ARCN1: variants seen among roughly 807,000 people sequenced by gnomAD.
The protein encoded by ARCN1 is archain 1 coat protein complex I subunit delta.
In ARCN1, 5 loss-of-function variants were observed where a neutral mutation model predicts 60.4. The ratio of observed to expected loss-of-function variants is 0.08; its 90% CI spans 0.04 to 0.17. The LOEUF is 0.17. Ranked by LOEUF, ARCN1 falls within the 10% of genes least tolerant of loss-of-function variation. The pLI, the probability that ARCN1 is intolerant of heterozygous loss-of-function variation, is 1.00. For missense variants in ARCN1, 464 were observed against 626.5 expected, an observed-to-expected ratio of 0.74 and a Z score of 2.77; for synonymous variants, 224 against 220.0, an observed-to-expected ratio of 1.02 and a Z score of -0.16.
At chr11:118,595,373 T>G (rs989655567) in intron 8 of ARCN1, among the ~76,000 whole-genome samples, 2 of 152,374 alleles carry the variant, frequency 1.3e-5, no homozygotes, top group East Asian at 3.8e-4. Context: ...GATGTCTACA[T>G]TAGTTACAGT....
Position 118,597,716 on chromosome 11 carries a change from C to G in ARCN1, c.1251C>G (p.Val417=). 6.2e-7 allele frequency: 1 copy of G among 1,613,964 alleles called. No homozygotes were observed. Among genetic ancestry groups the G allele is most frequent in the Non-Finnish European group, 8.5e-7 (1 of 1,179,998 alleles). The change falls in exon 9 of 10, where the codon GTC becomes GTG. Residue 417 remains valine, a synonymous_variant. Transcript: ENST00000264028. The part of the protein sequence containing the change: ...VVITIPLPSG[V]GAPVIGEIDG... ...ATGTTTCTCACAACAGGTCTGGTGTCGGCGCGCCTGTTATCGGTGAGATCG... is the reference window on the plus strand; with the variant it reads ...ATGTTTCTCACAACAGGTCTGGTGTGGGCGCGCCTGTTATCGGTGAGATCG...
chr11:118,599,327 G>T (rs183352711), intron 9 of ARCN1, among the ~76,000 whole-genome samples: 1 of 149,328 alleles, frequency 6.7e-6, no homozygotes, highest in Non-Finnish European at 1.5e-5. Context: ...TCTTGACCTC[G>T]TGATCCAGCC....
Position 118,597,908 on chromosome 11 carries a change from A to G in ARCN1, c.1443A>G (p.Ile481Met), listed in dbSNP as rs1227760970. The part of the protein sequence containing the change: ...SFVSKKNYCN[I>M]QVTKVTQVDG... ...TCTCCAAGAAAAATTACTGTAACAT[A>G]CAGGTACTCCATTTTAGTTGAGAAC... The change falls in exon 9 of 10, where the codon ATA (isoleucine) becomes ATG (methionine). Residue 481 changes from isoleucine to methionine, a missense_variant. By Grantham distance (10) the Ile-to-Met change is conservative. Coordinates refer to ENST00000264028, the MANE Select transcript of ARCN1 (RefSeq NM_001655.5). 1 of 1,614,056 alleles carries G rather than the reference A, an allele frequency of 6.2e-7. No individual in the cohort carries two copies. Among genetic ancestry groups the G allele is most frequent in the Non-Finnish European group, 8.5e-7 (1 of 1,180,018 alleles).
chr11:118,595,131 G>GT (rs1938998920), intron 8 of ARCN1, among the ~76,000 whole-genome samples: 1 of 152,234 alleles, frequency 6.6e-6, no homozygotes, highest in South Asian at 2.1e-4. Flanking sequence ...GATTACAGGC[G>GT]TGAGCCACTG....
intron 5 of ARCN1, among the ~76,000 whole-genome samples, chr11:118,590,099 G>T (rs145032595): frequency 3.3e-5 from 5 of 152,254 alleles, no homozygotes; most frequent in Non-Finnish European, 7.4e-5. Flanking sequence ...TGGTTCAAGC[G>T]ATTCTCCTGC....
intron 1 of ARCN1, among the ~76,000 whole-genome samples, chr11:118,576,426 TAAAAAAA>T (rs10671866): frequency 2.8e-5 from 3 of 108,778 alleles, no homozygotes; most frequent in African/African-American, 1.0e-4. Context: ...CCAAAAATGT[TAAAAAAA>T]AAAAAAAAAA....
chr11:118,572,750 C>T (rs1183476943), intron 1 of ARCN1, 200 bp downstream of exon 1: 1 of 533,554 alleles, frequency 1.9e-6, no homozygotes, highest in Non-Finnish European at 3.3e-6. Context: ...GTCCATCTGT[C>T]GTCGTGCCCG....
Position 118,590,861 on chromosome 11 carries a change from C to A in ARCN1, c.984+355C>A, listed in dbSNP as rs144989606. 6.4e-3 allele frequency among the ~76,000 whole-genome samples: 980 copies of A among 152,248 alleles called. 11 individuals carry two copies. Among genetic ancestry groups the A allele is most frequent in the African/African-American group, 0.021 (872 of 41,556 alleles). On this transcript the variant is annotated intron_variant, in intron 6 of 9. Coordinates refer to ENST00000264028, the MANE Select transcript of ARCN1 (RefSeq NM_001655.5). The stretch of plus-strand genomic sequence containing the variant: ...TGCTTGAAATACAGTTTTAAAAAAA[C>A]AAGGCTTTAGGCCAAGTGTGGTGGC...
intron 3 of ARCN1, 122 bp downstream of exon 3, chr11:118,583,480 A>T: frequency 8.3e-7 from 1 of 1,199,732 alleles, no homozygotes; most frequent in Non-Finnish European, 1.1e-6. Flanking sequence ...CAGGCTAGGC[A>T]CAGTGGCTCA....
At position 118,593,712 on chromosome 11, in the gene ARCN1, C is replaced by T; in HGVS notation, c.1241+14C>T. 1 of 1,563,326 alleles carries T rather than the reference C, an allele frequency of 6.4e-7. No individual in the cohort carries two copies. The highest frequency in any genetic ancestry group is 1.1e-5 in the South Asian group (1 of 89,888). On this transcript the variant is annotated intron_variant, in intron 8 of 9. Coordinates refer to ENST00000264028, the MANE Select transcript of ARCN1 (RefSeq NM_001655.5). ...CATCCCACTCCCGTAAGTGCTGTCC[C>T]TGTGTCCTCTACGGTGGACTTAGAG... is the stretch of plus-strand genomic sequence containing the variant.
intron 5 of ARCN1, among the ~76,000 whole-genome samples, chr11:118,585,778 A>G (rs531300306): frequency 1.6e-4 from 24 of 152,278 alleles, no homozygotes; most frequent in African/African-American, 4.8e-4. Context: ...GACTCAAGCA[A>G]TCTGCCTGCC....
intron 1 of ARCN1, among the ~76,000 whole-genome samples, chr11:118,578,839 TTGTAG>T (rs1938582592): frequency 2.7e-5 from 4 of 147,638 alleles, no homozygotes; most frequent in Non-Finnish European, 6.0e-5. Flanking sequence ...GCCCAGGAAT[TTGTAG>T]CCTGGGCAAC....
At position 118,597,856 on chromosome 11, in the gene ARCN1, A is replaced by C; in HGVS notation, c.1391A>C (p.Asp464Ala). The change falls in exon 9 of 10, where the codon GAC becomes GCC. Residue 464 changes from aspartate to alanine, a missense_variant. Transcript: ENST00000264028. ...TTTAGCATTGCTGGGCAGCCCAATG[A>C]CTTCTTCCCTGTTCAAGTTTCCTTT... ...LEFSIAGQPN[D>A]FFPVQVSFVS... 6.2e-7 allele frequency: 1 copy of C among 1,614,170 alleles called. No homozygotes were observed. The highest frequency in any genetic ancestry group is 8.5e-7 in the Non-Finnish European group (1 of 1,180,048).
At chr11:118,580,672 T>C (rs183070923) in intron 1 of ARCN1, among the ~76,000 whole-genome samples, 6 of 152,300 alleles carry the variant, frequency 3.9e-5, no homozygotes, top group Admixed American at 2.0e-4. Context: ...TTGATTGACA[T>C]GTCTAAGTCT....
intron 1 of ARCN1, among the ~76,000 whole-genome samples, chr11:118,574,506 A>C (rs1364960863): frequency 1.3e-5 from 2 of 152,176 alleles, no homozygotes; most frequent in African/African-American, 2.4e-5. Flanking sequence ...ATTTCACTAT[A>C]TTTTATCATG....
Position 118,600,925 on chromosome 11 carries a change from A to G in ARCN1, c.*211A>G. 2.8e-6 allele frequency: 1 copy of G among 362,324 alleles called. No homozygotes were observed. Among genetic ancestry groups the G allele is most frequent in the South Asian group, 3.8e-5 (1 of 26,012 alleles). 22.4% of individuals were successfully genotyped at this position (362,324 alleles called of 1,614,324 possible). Reference sequence around the variant, plus strand: ...TGATAAGGAAATGGCACAAACATAAAGGGAAAGGCTGCTAATTTTCTTTGG... The same window carrying G: ...TGATAAGGAAATGGCACAAACATAAGGGGAAAGGCTGCTAATTTTCTTTGG... On this transcript the variant is annotated 3_prime_UTR_variant, in exon 10 of 10. Coordinates refer to ENST00000264028, the MANE Select transcript of ARCN1 (RefSeq NM_001655.5).
chr11:118,583,558 A>G (rs1369829799), intron 3 of ARCN1, among the ~76,000 whole-genome samples, 200 bp downstream of exon 3: 2 of 152,174 alleles, frequency 1.3e-5, no homozygotes, highest in Admixed American at 6.6e-5. Flanking sequence ...GTTCAAGACC[A>G]GACTGGACAG....
intron 1 of ARCN1, chr11:118,572,893 T>C (rs914618135): frequency 9.2e-6 from 3 of 326,976 alleles, no homozygotes; most frequent in Non-Finnish European, 1.1e-5. Context: ...TCGGAACTGA[T>C]GCTGTCCCGC....
intron 6 of ARCN1, among the ~76,000 whole-genome samples, chr11:118,591,329 A>T (rs1159180742): frequency 3.3e-5 from 5 of 152,168 alleles, no homozygotes; most frequent in African/African-American, 1.2e-4. Context: ...AGCAGTGCTT[A>T]TATTATTTGA....
Sources: allele counts gnomAD v4.1 joint callset (sites outside exome capture counted in the v4.1 genomes callset), GRCh38; gene constraint gnomAD v4.1.1; transcripts MANE v1.5; gene names NCBI Gene and HGNC (gene_info 2026-07-23, HGNC 2026-07-21).